C16orf74: variants seen among roughly 807,000 people sequenced by gnomAD.
C16orf74 encodes the protein uncharacterized protein C16orf74.
A neutral mutation model predicts 6.5 loss-of-function variants in C16orf74; 10 were observed. The observed-to-expected ratio is 1.54, with a 90% CI of 0.95 to 2.61. The LOEUF is 2.61. Ranked by LOEUF, C16orf74 falls within the 30% of genes most tolerant of loss-of-function variation. The pLI, the probability that C16orf74 is intolerant of heterozygous loss-of-function variation, is 0.00. For missense variants in C16orf74, 141 were observed against 105.9 expected (o/e 1.33, Z -1.45); for synonymous variants, 60 against 42.5 (o/e 1.41, Z -1.60).
intron 2 of C16orf74, among the ~76,000 whole-genome samples, chr16:85,724,971 C>T (rs979437257): frequency 1.5e-4 from 22 of 151,536 alleles, no homozygotes; most frequent in African/African-American, 4.9e-4. Flanking sequence ...TTCCCAGGCA[C>T]GGCTGGAAAT....
chr16:85,738,412 C>T lies in C16orf74; in HGVS notation c.-18-3177G>A, dbSNP rs372953454. On this transcript the variant is annotated intron_variant, in intron 1 of 3. Coordinates refer to ENST00000284245, the MANE Select transcript of C16orf74 (RefSeq NM_206967.3). Reference sequence around the variant, plus strand: ...TGACCTTGGCTCACCACAACCTCCACTTCCCAGGTTCAAGTGATTCTCCTG... The same window carrying T: ...TGACCTTGGCTCACCACAACCTCCATTTCCCAGGTTCAAGTGATTCTCCTG... Among the ~76,000 whole-genome samples, 23 of 151,332 alleles carry T rather than the reference C, an allele frequency of 1.5e-4. No homozygotes were observed. In the East Asian group the frequency reaches 2.0e-3, roughly 13 times the overall value.
chr16:85,728,460 C>G (rs557939881), intron 2 of C16orf74, among the ~76,000 whole-genome samples: 18 of 152,310 alleles, frequency 1.2e-4, no homozygotes, highest in African/African-American at 4.1e-4. Flanking sequence ...TGGGACCAGT[C>G]TCATTCCCAG....
At chr16:85,738,795 G>A (rs2054272432) in intron 1 of C16orf74, among the ~76,000 whole-genome samples, 1 of 152,074 alleles carries the variant, frequency 6.6e-6, no homozygotes, top group African/African-American at 2.4e-5. Flanking sequence ...ACTCACCATG[G>A]GCCCGGCACT....
At chr16:85,712,906 G>T (rs750669650) in intron 2 of C16orf74, among the ~76,000 whole-genome samples, 8 of 152,202 alleles carry the variant, frequency 5.3e-5, no homozygotes, top group Non-Finnish European at 1.2e-4. Context: ...ATTGATGGAG[G>T]GGGGCTCCGG....
chr16:85,746,553 C>T (rs563045522), intron 1 of C16orf74, among the ~76,000 whole-genome samples: 36 of 152,162 alleles, frequency 2.4e-4, no homozygotes, highest in Non-Finnish European at 4.3e-4. Flanking sequence ...AGAGTAACCC[C>T]ATGGAGGTCC....
At chr16:85,743,227 CTGTCTGAATAGAAGCCA>C (rs2054329880) in intron 1 of C16orf74, 1 of 152,206 alleles carries the variant, frequency 6.6e-6, no homozygotes, top group African/African-American at 2.4e-5. Context: ...GATTCTACAT[CTGTCTGAATAGAAGCCA>C]TACAGTTGTC....
At chr16:85,730,131 G>A (rs541437527) in intron 2 of C16orf74, among the ~76,000 whole-genome samples, 1 of 152,256 alleles carries the variant, frequency 6.6e-6, no homozygotes, top group East Asian at 1.9e-4. Flanking sequence ...GGTGGCGAGG[G>A]CTGGGGCTGT....
chr16:85,708,533 G>C (rs1201293552), intron 3 of C16orf74, among the ~76,000 whole-genome samples: 1 of 152,218 alleles, frequency 6.6e-6, no homozygotes, highest in East Asian at 1.9e-4. Context: ...CCACCTTGCT[G>C]TGTGTCCCTG....
At chr16:85,717,584 G>T (rs1300854770) in intron 2 of C16orf74, among the ~76,000 whole-genome samples, 1 of 152,186 alleles carries the variant, frequency 6.6e-6, no homozygotes, top group Non-Finnish European at 1.5e-5. Flanking sequence ...GGGGCCTAGG[G>T]GGTCCTGAGC....
chr16:85,710,009 T>C (rs1378080053), intron 3 of C16orf74, among the ~76,000 whole-genome samples, 155 bp downstream of exon 3: 2 of 152,172 alleles, frequency 1.3e-5, no homozygotes, highest in Non-Finnish European at 2.9e-5. Context: ...GGGCTCACGG[T>C]GCAGTGTACA....
chr16:85,741,258 G>A (rs951985380), intron 1 of C16orf74, among the ~76,000 whole-genome samples: 1 of 152,180 alleles, frequency 6.6e-6, no homozygotes, highest in Non-Finnish European at 1.5e-5. Context: ...GGCTCTGGCC[G>A]AGCAAAGGAT....
intron 2 of C16orf74, among the ~76,000 whole-genome samples, chr16:85,718,493 G>A (rs1003325506): frequency 2.0e-5 from 3 of 152,200 alleles, no homozygotes; most frequent in African/African-American, 7.2e-5. Flanking sequence ...TCGGACCCAC[G>A]ATGCGATGGA....
chr16:85,733,996 G>A (rs1180251277), intron 2 of C16orf74, among the ~76,000 whole-genome samples: 2 of 152,220 alleles, frequency 1.3e-5, no homozygotes, highest in Non-Finnish European at 2.9e-5. Context: ...CCCAGCCTGG[G>A]AATCTGAAGG....
At position 85,716,397 on chromosome 16, in the gene C16orf74, AGAG is replaced by A. The variant is rs1397508541; in HGVS notation, c.29-6093_29-6091del. ...AGGAGGAGAGAGGAGAGGAGGGAGA[AGAG>A]GAAGGGAGGAGGGAGAAGAGGGAGA... On this transcript the variant is annotated intron_variant, in intron 2 of 3. Transcript: ENST00000284245. Among the ~76,000 whole-genome samples, 3 of 114,948 alleles carry A rather than the reference AGAG, an allele frequency of 2.6e-5. 1 individual carries two copies. The East Asian group carries it at 9.0e-4, about 34-fold the overall frequency. The allele number at this position is 114,948 out of a possible 152,430, so 75.4% of individuals were successfully genotyped here. A position where few individuals can be genotyped will look rare whatever the true frequency, so the allele number is the denominator to read the frequency against.
At chr16:85,735,103 G>C (rs2054229472) in intron 2 of C16orf74, 87 bp downstream of exon 2, 2 of 1,200,406 alleles carry the variant, frequency 1.7e-6, no homozygotes, top group Non-Finnish European at 2.4e-6. Flanking sequence ...CTGCAGGGCA[G>C]AGGGCTTCAA....
chr16:85,739,903 G>A (rs1483388172), intron 1 of C16orf74, among the ~76,000 whole-genome samples: 1 of 152,156 alleles, frequency 6.6e-6, no homozygotes, highest in East Asian at 1.9e-4. Context: ...ATTGTACTGT[G>A]TTCTGTAAGA....
At chr16:85,750,560 G>A (rs2054426060) in intron 1 of C16orf74, among the ~76,000 whole-genome samples, 1 of 152,216 alleles carries the variant, frequency 6.6e-6, no homozygotes, top group South Asian at 2.1e-4. Context: ...GCCCCCCGCC[G>A]GGCTGCCTTC....
At chr16:85,748,947 TA>T (rs1196285191) in intron 1 of C16orf74, among the ~76,000 whole-genome samples, 2,472 of 90,358 alleles carry the variant, frequency 0.027, 24 homozygotes, top group Non-Finnish European at 0.046. Flanking sequence ...TTTTTTTTTT[TA>T]TTTTATTTTT....
intron 2 of C16orf74, among the ~76,000 whole-genome samples, chr16:85,728,788 C>A (rs2054159420): frequency 6.6e-6 from 1 of 152,194 alleles, no homozygotes; most frequent in South Asian, 2.1e-4. Flanking sequence ...AAACTGAGGC[C>A]TGGGCACGGG....
Sources: gnomAD v4.1 joint callset for allele counts (sites outside exome capture counted in the v4.1 genomes callset) on GRCh38, gnomAD v4.1.1 for gene constraint, MANE v1.5 for transcripts, NCBI Gene and HGNC (gene_info 2026-07-23, HGNC 2026-07-21) for gene names.